Variants in RNPEPL1 observed in about 807,000 individuals in gnomAD.
The protein encoded by RNPEPL1 is aminopeptidase RNPEPL1.
RNPEPL1 carries 46 observed loss-of-function variants against 69.0 expected under a neutral mutation model. The observed-to-expected ratio is 0.67, with a 90% CI of 0.53 to 0.85. The LOEUF (loss-of-function observed/expected upper bound fraction) is 0.85. RNPEPL1 is among the 40% of genes least tolerant of loss of function. The probability of loss-of-function intolerance (pLI) is 0.00; values close to 1 mark genes in which losing one functional copy is unlikely to be tolerated. For missense variants in RNPEPL1, 869 were observed against 992.5 expected (o/e 0.88, Z 1.67); for synonymous variants, 525 against 454.1 (o/e 1.16, Z -1.98).
intron 4 of RNPEPL1, 107 bp downstream of exon 4, chr2:240,573,998 C>G (rs1189700840): frequency 7.3e-7 from 1 of 1,369,224 alleles, no homozygotes; most frequent in Non-Finnish European, 1.0e-6. Flanking sequence ...GGGGAGGAAG[C>G]GGAGCTCACC....
chr2:240,577,560 TG>T, intron 10 of RNPEPL1, 38 bp from the exon 11 acceptor site: 1 of 1,522,036 alleles, frequency 6.6e-7, no homozygotes, highest in South Asian at 1.3e-5. Context: ...TCGAGGGGCC[TG>T]GGGAGCCCAC....
intron 1 of RNPEPL1, among the ~76,000 whole-genome samples, chr2:240,569,709 A>C (rs949636562): frequency 6.6e-6 from 1 of 152,194 alleles, no homozygotes; most frequent in Non-Finnish European, 1.5e-5. Flanking sequence ...CTCCACCTCC[A>C]CCAGTGGGGA....
chr2:240,577,736 C>T lies in RNPEPL1; in HGVS notation c.2022C>T (p.Ser674=). The T allele has an allele frequency of 4.3e-6, 7 of 1,612,524 alleles. No homozygotes were observed. Among genetic ancestry groups the T allele is most frequent in the Non-Finnish European group, 5.9e-6 (7 of 1,179,706 alleles). Residue 674 remains serine (S), a synonymous_variant, in exon 11 of 11, where the codon TCC becomes TCT. Coordinates refer to ENST00000270357, the MANE Select transcript of RNPEPL1 (RefSeq NM_018226.6). ...NLRRAIQQIL[S]QGLGSSTEPA... ...GCAGAGCCATCCAGCAGATCCTGTC[C>T]CAGGGCCTGGGCTCCAGCACAGAGC...
Position 240,573,144 on chromosome 2 carries a change from C to T in RNPEPL1, c.704C>T (p.Thr235Ile). The T allele has an allele frequency of 1.9e-6, 3 of 1,610,330 alleles. No homozygotes were observed. Among genetic ancestry groups the T allele is most frequent in the Non-Finnish European group, 2.5e-6 (3 of 1,179,076 alleles). ...GGGGTGCAGGTGCTGATGAGTGCCA[C>T]CCGGAGTGCATACATGGAGGAAGAA... ...PSGVQVLMSATRSAYMEEEGV... is the reference protein window; with the variant it reads ...PSGVQVLMSAIRSAYMEEEGV... Residue 235 changes from threonine to isoleucine, a missense_variant, in exon 3 of 11, where the codon ACC (threonine) becomes ATC (isoleucine). Thr to Ile is a moderately conservative substitution (Grantham distance 89). Transcript: ENST00000270357.
At position 240,579,089 on chromosome 2, in the gene RNPEPL1, GTGT is replaced by G; in HGVS notation, c.*1198_*1200del. ...AGATTTCCATTTTCCCAGGCGATAG[GTGT>G]CGCTGCCCTTCACAGTCCCCAAGGA... On this transcript the variant is annotated 3_prime_UTR_variant, in exon 11 of 11. Transcript: ENST00000270357. 1 of 152,268 alleles carries G rather than the reference GTGT, an allele frequency of 6.6e-6. No individual in the cohort carries two copies. The highest frequency in any genetic ancestry group is 1.5e-5 in the Non-Finnish European group (1 of 68,070). The allele number at this position is 152,268 out of a possible 1,614,324, so 9.4% of individuals were successfully genotyped here. A position where few individuals can be genotyped will look rare whatever the true frequency, so the allele number is the denominator to read the frequency against.
intron 5 of RNPEPL1, 82 bp downstream of exon 5, chr2:240,574,430 C>T: frequency 6.5e-7 from 1 of 1,545,078 alleles, no homozygotes. Context: ...GGCCCCCCTG[C>T]CATGCTGCAG....
chr2:240,577,834 T>C lies in RNPEPL1; in HGVS notation c.2120T>C (p.Leu707Pro). 1 of 1,594,978 alleles carries C rather than the reference T, an allele frequency of 6.3e-7. No homozygotes were observed. Among genetic ancestry groups the C allele is most frequent in the Non-Finnish European group, 8.6e-7 (1 of 1,166,864 alleles). The change falls in exon 11 of 11, where the codon CTT becomes CCT. Residue 707 changes from leucine (L) to proline (P), a missense_variant. Leu to Pro is a moderately conservative substitution (Grantham distance 98, BLOSUM62 -3). Coordinates refer to ENST00000270357, the MANE Select transcript of RNPEPL1 (RefSeq NM_018226.6). ...GACTCGGACGCACAGGCCCTGCTGCTTGGGGACGAGGCCCCCAGCAGTGCC... is the reference window on the plus strand; with the variant it reads ...GACTCGGACGCACAGGCCCTGCTGCCTGGGGACGAGGCCCCCAGCAGTGCC... Reference protein sequence around the residue: ...DTDSDAQALLLGDEAPSSAIS... With the variant: ...DTDSDAQALLPGDEAPSSAIS...
intron 7 of RNPEPL1, 148 bp downstream of exon 7, chr2:240,575,290 G>T: frequency 1.3e-6 from 1 of 741,436 alleles, no homozygotes. Flanking sequence ...TTTCTTTGTG[G>T]GGAGTGCCTG....
At chr2:240,572,102 A>G (rs2093023276) in intron 1 of RNPEPL1, among the ~76,000 whole-genome samples, 1 of 152,270 alleles carries the variant, frequency 6.6e-6, no homozygotes, top group Non-Finnish European at 1.5e-5. Flanking sequence ...TAATGCAATG[A>G]TGGGCTATTC....
In RNPEPL1 at chr2:240,578,063, C is replaced by G; in HGVS notation, c.*171C>G. 1 of 600,506 alleles carries G rather than the reference C, an allele frequency of 1.7e-6. No homozygotes were observed. The highest frequency in any genetic ancestry group is 4.0e-5 in the South Asian group (1 of 24,830). The allele number at this position is 600,506 out of a possible 1,614,324, so 37.2% of individuals were successfully genotyped here. The stretch of plus-strand genomic sequence containing the variant: ...AATGGGGAGAGGGACCTCCTTGTGT[C>G]TGGCAGAGACCTGTGGACCTGGCCT... On this transcript the variant is annotated 3_prime_UTR_variant, in exon 11 of 11. Coordinates refer to ENST00000270357, the MANE Select transcript of RNPEPL1 (RefSeq NM_018226.6).
intron 10 of RNPEPL1, 135 bp from the exon 11 acceptor site, chr2:240,577,464 C>T: frequency 2.0e-6 from 2 of 994,988 alleles, no homozygotes; most frequent in Middle Eastern, 3.4e-4. Flanking sequence ...CTCCTGGCCA[C>T]CGGAGTCCAG....
intron 1 of RNPEPL1, among the ~76,000 whole-genome samples, chr2:240,569,546 C>T (rs1006843405): frequency 6.6e-6 from 1 of 152,206 alleles, no homozygotes; most frequent in African/African-American, 2.4e-5. Context: ...CTTCCTTGGC[C>T]AGCACTGGTG....
intron 10 of RNPEPL1, 29 bp downstream of exon 10, chr2:240,577,019 T>C: frequency 6.2e-7 from 1 of 1,611,566 alleles, no homozygotes; most frequent in Non-Finnish European, 8.5e-7. Flanking sequence ...GGGGCCAGCC[T>C]GGAACGGCCT....
In RNPEPL1 at chr2:240,574,213, C is replaced by T. The variant is rs752296492; in HGVS notation, c.1039C>T (p.Leu347=). The change falls in exon 5 of 11, where the codon CTG becomes TTG. Residue 347 remains leucine, a synonymous_variant. Transcript: ENST00000270357. ...ISSILESDEF[L]VIDVIHEVAH... is the part of the protein sequence containing the mutation. The stretch of plus-strand genomic sequence containing the variant: ...CTCCATCCTGGAGAGCGATGAGTTC[C>T]TGGTCATCGATGTCATCCACGAGGT... 2 of 1,613,514 alleles carry T rather than the reference C, an allele frequency of 1.2e-6. No homozygotes were observed. The highest frequency in any genetic ancestry group is 1.1e-5 in the South Asian group (1 of 91,084).
chr2:240,577,888 C>T lies in RNPEPL1; in HGVS notation c.2174C>T (p.Ala725Val). 6.6e-7 allele frequency: 1 copy of T among 1,504,772 alleles called. No homozygotes were observed. The highest frequency in any genetic ancestry group is 8.9e-7 in the Non-Finnish European group (1 of 1,120,342). The allele number at this position is 1,504,772 out of a possible 1,614,324, so 93.2% of individuals were successfully genotyped here. The change falls in exon 11 of 11, where the codon GCC becomes GTC. Residue 725 changes from alanine (A) to valine (V), a missense_variant. Ala to Val is a moderately conservative substitution (Grantham distance 64). Transcript: ENST00000270357. ...AISLRDVNVSA is the reference protein window; with the variant it reads ...AISLRDVNVSV ...TCTCTCAGGGACGTCAATGTGTCTGCCTAGCCCTGTTGGCGGGCTGACCCT... is the reference window on the plus strand; with the variant it reads ...TCTCTCAGGGACGTCAATGTGTCTGTCTAGCCCTGTTGGCGGGCTGACCCT...
chr2:240,581,215 A>G lies in RNPEPL1; in HGVS notation c.*3323A>G, dbSNP rs944418172. ...ATCAGAAAAGGACTTTAGAACACAT[A>G]TAATCAAAATCTCAGACCTAAAGAC... On this transcript the variant is annotated 3_prime_UTR_variant, in exon 11 of 11. Coordinates refer to ENST00000270357, the MANE Select transcript of RNPEPL1 (RefSeq NM_018226.6). 12 of 152,268 alleles carry G rather than the reference A, an allele frequency of 7.9e-5. No individual in the cohort carries two copies. The highest frequency in any genetic ancestry group is 2.0e-4 in the Admixed American group (3 of 15,296). The allele number at this position is 152,268 out of a possible 1,614,324, so 9.4% of individuals were successfully genotyped here.
In RNPEPL1 at chr2:240,575,229, T is replaced by C. The variant is rs1029155098; in HGVS notation, c.1401+87T>C. The C allele has an allele frequency of 4.6e-6, 5 of 1,096,632 alleles. No homozygotes were observed. The East Asian group carries it at 7.1e-5, about 16-fold the overall frequency. 67.9% of individuals were successfully genotyped at this position (1,096,632 alleles called of 1,614,324 possible). ...ACAGGGCTGCCTGCTCTTGCGGCAG[T>C]TGGGGTGGAACTGGCAGGGGCCTGT... On this transcript the variant is annotated intron_variant, in intron 7 of 10. Coordinates refer to ENST00000270357, the MANE Select transcript of RNPEPL1 (RefSeq NM_018226.6).
chr2:240,574,943 C>T (rs1398673586), intron 6 of RNPEPL1, 87 bp from the exon 7 acceptor site: 13 of 1,016,336 alleles, frequency 1.3e-5, no homozygotes, highest in Non-Finnish European at 1.6e-5. Flanking sequence ...GCCCTTGCTG[C>T]TCCTCGGAGC....
At chr2:240,575,860 C>T (rs2093036091) in intron 8 of RNPEPL1, 1 of 528,718 alleles carries the variant, frequency 1.9e-6, no homozygotes. Flanking sequence ...AGGAAGCGGG[C>T]CATGGAAACC....
Sources: gnomAD v4.1 joint callset for allele counts (sites outside exome capture counted in the v4.1 genomes callset) on GRCh38, gnomAD v4.1.1 for gene constraint, MANE v1.5 for transcripts, NCBI Gene and HGNC (gene_info 2026-07-23, HGNC 2026-07-21) for gene names.